MED13L: variants seen among roughly 807,000 people sequenced by gnomAD.
MED13L encodes the protein mediator of RNA polymerase II transcription subunit 13-like.
A neutral mutation model predicts 220.9 loss-of-function variants in MED13L; 7 were observed. The observed-to-expected ratio is 0.03, with a 90% CI of 0.02 to 0.06. The LOEUF (loss-of-function observed/expected upper bound fraction) is 0.06, where lower values mean the gene tolerates loss of function less well. Ranked by LOEUF, MED13L falls within the 10% of genes least tolerant of loss-of-function variation. The probability of loss-of-function intolerance (pLI) is 1.00; values close to 1 mark genes in which losing one functional copy is unlikely to be tolerated. For missense variants in MED13L, 1,965 were observed against 2,760.5 expected (o/e 0.71, Z 6.46); for synonymous variants, 1,011 against 1,015.2 (o/e 1.00, Z 0.08).
intron 2 of MED13L, among the ~76,000 whole-genome samples, chr12:116,145,141 C>T (rs1045361586): frequency 1.3e-5 from 2 of 152,172 alleles, no homozygotes; most frequent in Admixed American, 6.5e-5. Context: ...AACAGGGTAG[C>T]GAAACTTCCA....
At chr12:116,270,594 T>C (rs1348895737) in intron 1 of MED13L, among the ~76,000 whole-genome samples, 3 of 152,224 alleles carry the variant, frequency 2.0e-5, no homozygotes, top group Non-Finnish European at 4.4e-5. Flanking sequence ...ATTTCATTCA[T>C]GCAAATGAGT....
At chr12:116,070,165 C>T (rs1440846832) in intron 4 of MED13L, among the ~76,000 whole-genome samples, 1 of 152,138 alleles carries the variant, frequency 6.6e-6, no homozygotes, top group Non-Finnish European at 1.5e-5. Flanking sequence ...AGGGCAGGAG[C>T]TATTATAAGA....
At chr12:116,148,574 TA>T in intron 2 of MED13L, 1 of 301,116 alleles carries the variant, frequency 3.3e-6, no homozygotes. Flanking sequence ...TTGCTTGTTT[TA>T]TTTCTATATC....
chr12:116,101,569 A>G (rs1873068374), intron 3 of MED13L, among the ~76,000 whole-genome samples: 1 of 152,212 alleles, frequency 6.6e-6, no homozygotes, highest in South Asian at 2.1e-4. Flanking sequence ...TCAATTCTTT[A>G]TAGCCCATCG....
Position 116,096,692 on chromosome 12 carries a change from C to A in MED13L, c.456G>T (p.Lys152Asn), listed in dbSNP as rs1449279155. 1 of 1,613,864 alleles carries A rather than the reference C, an allele frequency of 6.2e-7. No homozygotes were observed. Among genetic ancestry groups the A allele is most frequent in the Non-Finnish European group, 8.5e-7 (1 of 1,179,976 alleles). ...ACCTTTTGTTGACTGGCTTTTCATC[C>A]TTTTCGTAGGGTCGGACAAACCATT... ...IGKWFVRPYEKDEKPVNKSEH... is the reference protein window; with the variant it reads ...IGKWFVRPYENDEKPVNKSEH... The change falls in exon 4 of 31, where the codon AAG becomes AAT. Residue 152 changes from lysine (K) to asparagine (N), a missense_variant. Physicochemically the swap from Lys to Asn is moderately conservative, Grantham distance 94 (BLOSUM62 0). Coordinates refer to ENST00000281928, the MANE Select transcript of MED13L (RefSeq NM_015335.5).
intron 4 of MED13L, among the ~76,000 whole-genome samples, chr12:116,031,749 AGAAAAGAAAAGAAG>A (rs1475807618): frequency 3.4e-3 from 181 of 53,384 alleles, no homozygotes; most frequent in Non-Finnish European, 4.3e-3. Flanking sequence ...AGAAAAGAAA[AGAAAAGAAAAGAAG>A]GAAGGAAGGA....
chr12:116,199,970 G>C (rs1274495342), intron 2 of MED13L, among the ~76,000 whole-genome samples: 1 of 151,208 alleles, frequency 6.6e-6, no homozygotes, highest in African/African-American at 2.4e-5. Flanking sequence ...AATCAGCAGA[G>C]AGCCAAAATA....
chr12:116,031,747 A>AGG (rs1335504331), intron 4 of MED13L, among the ~76,000 whole-genome samples: 2,327 of 45,222 alleles, frequency 0.051, 110 homozygotes, highest in African/African-American at 0.12. Flanking sequence ...AAAGAAAAGA[A>AGG]AAGAAAAGAA....
chr12:116,133,853 G>A (rs191726555), intron 2 of MED13L, among the ~76,000 whole-genome samples: 2 of 152,130 alleles, frequency 1.3e-5, no homozygotes, highest in Non-Finnish European at 2.9e-5. Flanking sequence ...TAGTCCACAC[G>A]GAGCAGCCAC....
intron 17 of MED13L, among the ~76,000 whole-genome samples, chr12:115,988,665 C>A (rs1222783977): frequency 6.6e-6 from 1 of 152,218 alleles, no homozygotes; most frequent in Non-Finnish European, 1.5e-5. Context: ...TTTGAAAAGA[C>A]AGCTTAAGGC....
rs1468763263 is a variant in MED13L, at chr12:115,960,786, T to C, written c.*480A>G. 2 of 213,522 alleles carry C rather than the reference T, an allele frequency of 9.4e-6. No homozygotes were observed. Among genetic ancestry groups the C allele is most frequent in the African/African-American group, 2.3e-5 (1 of 44,330 alleles). 13.2% of individuals were successfully genotyped at this position (213,522 alleles called of 1,614,324 possible). ...AGACAGAAACCCCAGTATGAAACCATGTACTTGAGCTGGTTCTTATTTTTA... is the reference window on the plus strand; with the variant it reads ...AGACAGAAACCCCAGTATGAAACCACGTACTTGAGCTGGTTCTTATTTTTA... On this transcript the variant is annotated 3_prime_UTR_variant, in exon 31 of 31. Transcript: ENST00000281928.
Position 116,019,209 on chromosome 12 carries a change from C to T in MED13L, c.1009+15G>A. The T allele has an allele frequency of 6.2e-7, 1 of 1,611,646 alleles. No homozygotes were observed. Among genetic ancestry groups the T allele is most frequent in the Non-Finnish European group, 8.5e-7 (1 of 1,178,714 alleles). Reference sequence around the variant, plus strand: ...GAGATCTCTTCTCCCCAGGACACTCCTGGATCCTACTCACCTAGGATAGCC... The same window carrying T: ...GAGATCTCTTCTCCCCAGGACACTCTTGGATCCTACTCACCTAGGATAGCC... On this transcript the variant is annotated intron_variant, in intron 7 of 30. Coordinates refer to ENST00000281928, the MANE Select transcript of MED13L (RefSeq NM_015335.5).
At chr12:116,226,506 C>G (rs563441912) in intron 2 of MED13L, among the ~76,000 whole-genome samples, 1 of 152,214 alleles carries the variant, frequency 6.6e-6, no homozygotes, top group Admixed American at 6.5e-5. Flanking sequence ...CTTCAGGTAG[C>G]ATCCAGACAG....
chr12:116,051,251 C>T (rs975193382), intron 4 of MED13L, among the ~76,000 whole-genome samples: 5 of 150,696 alleles, frequency 3.3e-5, no homozygotes, highest in African/African-American at 7.3e-5. Context: ...TGGCTCACAC[C>T]GAGATCCCAC....
intron 3 of MED13L, among the ~76,000 whole-genome samples, chr12:116,103,233 A>G (rs1490170100): frequency 1.3e-5 from 2 of 151,800 alleles, no homozygotes; most frequent in African/African-American, 4.8e-5. Flanking sequence ...TCATTCTCCA[A>G]CTACCAAATA....
chr12:116,075,731 C>T (rs1408059147), intron 4 of MED13L, among the ~76,000 whole-genome samples: 2 of 152,146 alleles, frequency 1.3e-5, no homozygotes, highest in Non-Finnish European at 2.9e-5. Context: ...TTTCTGCTGG[C>T]TCCTTCCCTT....
intron 2 of MED13L, among the ~76,000 whole-genome samples, chr12:116,208,703 T>C (rs1882508244): frequency 6.6e-6 from 1 of 152,364 alleles, no homozygotes; most frequent in East Asian, 1.9e-4. Context: ...TAGTGGTTCA[T>C]GTCTATAATC....
rs754440934 is a variant in MED13L at position 115,991,704 on chromosome 12, A to T, written c.3250T>A (p.Ser1084Thr). The T allele has an allele frequency of 6.2e-7, 1 of 1,613,800 alleles. No homozygotes were observed. Residue 1084 changes from serine to threonine, a missense_variant, in exon 17 of 31, where the codon TCC (serine) becomes ACC (threonine). Coordinates refer to ENST00000281928, the MANE Select transcript of MED13L (RefSeq NM_015335.5). The surrounding 1 kb of genome is among the most constrained non-coding windows in gnomAD (Gnocchi z 7.7). The stretch of plus-strand genomic sequence containing the variant: ...AGGGGCCGTGTAGTAGAGGGGGTGG[A>T]GGCTGGTGATCCTTGATCGGTGCTA... ...YDSTDQGSPASTPSTTRPLNS... is the reference protein window; with the variant it reads ...YDSTDQGSPATTPSTTRPLNS...
rs1873537424 is a variant in MED13L at position 116,105,997 on chromosome 12, A to G, written c.395+5431T>C. ...GCTCTGCCACTGCTCTGTGCTCTCT[A>G]CCATGGGCCCACCAAGTCATACCCA... On this transcript the variant is annotated intron_variant, in intron 3 of 30. Transcript: ENST00000281928. 2.0e-5 allele frequency among the ~76,000 whole-genome samples: 3 copies of G among 152,216 alleles called. No homozygotes were observed. The South Asian group carries it at 6.2e-4, about 32-fold the overall frequency.
Sources: gnomAD v4.1 joint callset for allele counts (sites outside exome capture counted in the v4.1 genomes callset) on GRCh38, gnomAD v4.1.1 for gene constraint, Gnocchi (gnomAD v3.1) non-coding constraint, MANE v1.5 for transcripts, NCBI Gene and HGNC (gene_info 2026-07-23, HGNC 2026-07-21) for gene names.